IQGAP2: variants seen among roughly 807,000 people sequenced by gnomAD.
The protein encoded by IQGAP2 is ras GTPase-activating-like protein IQGAP2.
In IQGAP2, 173 loss-of-function variants were observed where a neutral mutation model predicts 201.3. That is an observed-to-expected ratio of 0.86 (90% CI 0.76 to 0.98). The LOEUF is 0.98. Ranked by LOEUF, IQGAP2 falls within the 50% of genes least tolerant of loss-of-function variation. IQGAP2 has a pLI of 0.00. For synonymous variants in IQGAP2, 675 were observed against 673.9 expected, an observed-to-expected ratio of 1.00 and a Z score of -0.03; for missense variants, 1,687 against 1,864.8, an observed-to-expected ratio of 0.90 and a Z score of 1.76.
At chr5:76,603,342 A>ATTTCACTCC (rs1311112874) in intron 11 of IQGAP2, among the ~76,000 whole-genome samples, 1 of 152,018 alleles carries the variant, frequency 6.6e-6, no homozygotes, top group African/African-American at 2.4e-5. Flanking sequence ...GGGAGGTAGC[A>ATTTCACTCC]TGATGTGGTT....
chr5:76,683,888 A>G lies in IQGAP2; in HGVS notation c.3876A>G (p.Glu1292=). 1.2e-6 allele frequency: 2 copies of G among 1,612,668 alleles called. No homozygotes were observed. The highest frequency in any genetic ancestry group is 2.2e-5 in the South Asian group (2 of 90,646). Residue 1292 remains glutamate, a synonymous_variant, in exon 30 of 36, where the codon GAA becomes GAG. Transcript: ENST00000274364. The stretch of plus-strand genomic sequence containing the variant: ...GCAAATATGACATAGAGGACGGTGA[A>G]GCTATAGATAGCCGAAGCCTCATGA... ...LTSKYDIEDG[E]AIDSRSLMIK...
At chr5:76,657,845 C>T (rs563753258) in intron 20 of IQGAP2, among the ~76,000 whole-genome samples, 2 of 152,298 alleles carry the variant, frequency 1.3e-5, no homozygotes, top group South Asian at 4.1e-4. Context: ...CTCCCTTGGC[C>T]GGTGCTCAAA....
chr5:76,623,692 T>C (rs945473407), intron 13 of IQGAP2, among the ~76,000 whole-genome samples: 9 of 152,280 alleles, frequency 5.9e-5, no homozygotes, highest in African/African-American at 1.9e-4. Flanking sequence ...TAATTTCTAC[T>C]TAATAAATTA....
chr5:76,431,067 C>G (rs1014036237), intron 1 of IQGAP2, among the ~76,000 whole-genome samples: 1 of 151,954 alleles, frequency 6.6e-6, no homozygotes, highest in Non-Finnish European at 1.5e-5. Context: ...AGTATTTTAT[C>G]TTAACGTGTA....
At chr5:76,415,942 C>A (rs78519397) in intron 1 of IQGAP2, among the ~76,000 whole-genome samples, 107 of 135,648 alleles carry the variant, frequency 7.9e-4, no homozygotes, top group African/African-American at 1.3e-3. Flanking sequence ...GTAACTGTCT[C>A]AAAAAAAAAA....
chr5:76,443,665 A>G (rs139232351), intron 1 of IQGAP2, among the ~76,000 whole-genome samples: 3 of 152,218 alleles, frequency 2.0e-5, no homozygotes, highest in African/African-American at 4.8e-5. Flanking sequence ...AAAGATCAGT[A>G]CTTACATGTC....
Position 76,617,547 on chromosome 5 carries a change from T to TGTG in IQGAP2, c.1521+6365_1521+6367dup, listed in dbSNP as rs777253204. 9 of 1,523,466 alleles carry TGTG rather than the reference T, an allele frequency of 5.9e-6. No homozygotes were observed. The East Asian group carries it at 2.0e-4, about 34-fold the overall frequency. 94.4% of individuals were successfully genotyped at this position (1,523,466 alleles called of 1,614,324 possible). A position where few individuals can be genotyped will look rare whatever the true frequency, so the allele number is the denominator to read the frequency against. On this transcript the variant is annotated intron_variant, in intron 13 of 35. Coordinates refer to ENST00000274364, the MANE Select transcript of IQGAP2 (RefSeq NM_006633.5). ...GTTGTTCTTGAAAACAGACGTTCTC[T>TGTG]GTGATGGCTGTCCTTGTTCTCTAAG...
chr5:76,686,578 C>A (rs1391347137), intron 30 of IQGAP2, among the ~76,000 whole-genome samples: 1 of 152,172 alleles, frequency 6.6e-6, no homozygotes, highest in African/African-American at 2.4e-5. Flanking sequence ...GGCATGATCT[C>A]GGGTCACTGC....
chr5:76,587,289 T>C (rs2150302573), intron 5 of IQGAP2, among the ~76,000 whole-genome samples: 1 of 152,334 alleles, frequency 6.6e-6, no homozygotes, highest in East Asian at 1.9e-4. Flanking sequence ...ACTTTTATTG[T>C]GTGTGTACCC....
intron 2 of IQGAP2, among the ~76,000 whole-genome samples, chr5:76,500,231 A>G (rs1290713292): frequency 6.6e-6 from 1 of 152,188 alleles, no homozygotes; most frequent in Non-Finnish European, 1.5e-5. Flanking sequence ...ACATTTCCCA[A>G]TCTCCCAAGT....
intron 2 of IQGAP2, among the ~76,000 whole-genome samples, chr5:76,494,039 T>G (rs1256349026): frequency 4.6e-5 from 7 of 152,200 alleles, no homozygotes; most frequent in African/African-American, 7.2e-5. Flanking sequence ...TAATACCTAA[T>G]GTAATGTAAA....
chr5:76,471,652 A>G (rs1755117492), intron 2 of IQGAP2, among the ~76,000 whole-genome samples: 1 of 152,204 alleles, frequency 6.6e-6, no homozygotes, highest in Admixed American at 6.5e-5. Context: ...AGTGCTTCAA[A>G]TGTTTAAGCA....
chr5:76,554,452 C>T (rs1743775864), intron 2 of IQGAP2, among the ~76,000 whole-genome samples: 2 of 152,138 alleles, frequency 1.3e-5, no homozygotes, highest in African/African-American at 2.4e-5. Context: ...ATGTAAGGAA[C>T]TCTTATAACT....
At chr5:76,436,599 C>T (rs1436077208) in intron 1 of IQGAP2, among the ~76,000 whole-genome samples, 5 of 132,558 alleles carry the variant, frequency 3.8e-5, no homozygotes, top group South Asian at 2.6e-4. Flanking sequence ...GGCGCAATCT[C>T]GGCTCACTGC....
At chr5:76,532,902 C>T (rs1179064602) in intron 2 of IQGAP2, among the ~76,000 whole-genome samples, 3 of 152,232 alleles carry the variant, frequency 2.0e-5, no homozygotes, top group African/African-American at 7.2e-5. Context: ...TCCAGGTCCC[C>T]AGAGAAGGGG....
chr5:76,405,713 G>T (rs569489737), intron 1 of IQGAP2, among the ~76,000 whole-genome samples: 3 of 152,136 alleles, frequency 2.0e-5, no homozygotes, highest in Non-Finnish European at 4.4e-5. Context: ...TCTGGTTGTT[G>T]TTGGCTTTCT....
At chr5:76,559,137 G>T (rs532155305) in intron 2 of IQGAP2, among the ~76,000 whole-genome samples, 32 of 152,178 alleles carry the variant, frequency 2.1e-4, no homozygotes, top group Non-Finnish European at 4.3e-4. Flanking sequence ...TCCTGACCTC[G>T]TGATCCGCCC....
At chr5:76,497,095 T>C (rs1012795177) in intron 2 of IQGAP2, among the ~76,000 whole-genome samples, 2 of 152,174 alleles carry the variant, frequency 1.3e-5, no homozygotes, top group African/African-American at 2.4e-5. Flanking sequence ...CTCAAAGTGC[T>C]GGGATTACAG....
At chr5:76,464,880 G>GA (rs1754687764) in intron 2 of IQGAP2, among the ~76,000 whole-genome samples, 2 of 152,004 alleles carry the variant, frequency 1.3e-5, no homozygotes, top group South Asian at 2.1e-4. Flanking sequence ...TTAAACATCT[G>GA]AAAAAAACTA....
Sources: allele counts gnomAD v4.1 joint callset (sites outside exome capture counted in the v4.1 genomes callset), GRCh38; gene constraint gnomAD v4.1.1; transcripts MANE v1.5; gene names NCBI Gene and HGNC (gene_info 2026-07-23, HGNC 2026-07-21).